The following GPC5 variants were observed in gnomAD, a reference collection of about 807,000 sequenced individuals.
GPC5 encodes the protein glypican 5.
GPC5 carries 47 observed loss-of-function variants against 53.9 expected under a neutral mutation model. The observed-to-expected ratio is 0.87, with a 90% confidence interval of 0.69 to 1.11. The LOEUF (loss-of-function observed/expected upper bound fraction) is 1.11. GPC5 is among the 50% of genes most tolerant of loss of function. The pLI is 0.00. For synonymous variants in GPC5, 286 were observed against 263.3 expected (o/e 1.09, Z -0.84); for missense variants, 748 against 713.1 (o/e 1.05, Z -0.56).
intron 7 of GPC5, among the ~76,000 whole-genome samples, chr13:92,334,936 G>A (rs1331075921): frequency 6.6e-6 from 1 of 152,120 alleles, no homozygotes; most frequent in Non-Finnish European, 1.5e-5. Flanking sequence ...GGTTTCACAG[G>A]CTGGCGCTGA....
At chr13:92,339,108 A>C (rs1183128359) in intron 7 of GPC5, among the ~76,000 whole-genome samples, 2 of 151,874 alleles carry the variant, frequency 1.3e-5, no homozygotes, top group African/African-American at 4.8e-5. Flanking sequence ...AAATATTTCT[A>C]GTCAAAGAAC....
chr13:92,217,232 C>T (rs1202072625), intron 7 of GPC5, among the ~76,000 whole-genome samples: 4 of 152,208 alleles, frequency 2.6e-5, no homozygotes, highest in African/African-American at 4.8e-5. Flanking sequence ...ATACTTTTAA[C>T]TACCAATGGC....
intron 7 of GPC5, among the ~76,000 whole-genome samples, chr13:92,622,705 C>T (rs1884913922): frequency 1.3e-5 from 2 of 152,148 alleles, no homozygotes; most frequent in South Asian, 4.1e-4. Context: ...GCTGGGATTA[C>T]TGGCATGAGC....
intron 7 of GPC5, among the ~76,000 whole-genome samples, chr13:92,204,898 A>C (rs1339500587): frequency 2.0e-5 from 3 of 152,118 alleles, no homozygotes; most frequent in African/African-American, 7.2e-5. Context: ...TGTTTGTTTT[A>C]GACAGAGTCT....
chr13:92,079,451 G>A (rs1038002976), intron 6 of GPC5, among the ~76,000 whole-genome samples: 1 of 152,156 alleles, frequency 6.6e-6, no homozygotes, highest in Non-Finnish European at 1.5e-5. Context: ...ACAAATTGCT[G>A]GCATTTCTTT....
chr13:91,481,666 T>C (rs1218199116), intron 2 of GPC5, among the ~76,000 whole-genome samples: 3 of 152,160 alleles, frequency 2.0e-5, no homozygotes, highest in African/African-American at 7.2e-5. Flanking sequence ...TCTACTTAAT[T>C]ATCGAAAGCT....
At chr13:92,056,447 T>G (rs895920534) in intron 6 of GPC5, among the ~76,000 whole-genome samples, 1 of 152,196 alleles carries the variant, frequency 6.6e-6, no homozygotes, top group African/African-American at 2.4e-5. Flanking sequence ...TTTTGGAGAT[T>G]TGAATGTGAA....
intron 7 of GPC5, among the ~76,000 whole-genome samples, chr13:92,567,775 G>C (rs1467569908): frequency 6.6e-6 from 1 of 152,110 alleles, no homozygotes. Flanking sequence ...TTTTAGTCCA[G>C]TGAGACTTGT....
chr13:91,935,074 A>G (rs1566350276), intron 6 of GPC5, among the ~76,000 whole-genome samples: 1 of 151,984 alleles, frequency 6.6e-6, no homozygotes, highest in Non-Finnish European at 1.5e-5. Context: ...GGAGCTAAAT[A>G]GATATGGGAA....
chr13:92,815,647 G>C (rs1804560222), intron 7 of GPC5, among the ~76,000 whole-genome samples: 2 of 151,906 alleles, frequency 1.3e-5, no homozygotes, highest in South Asian at 2.1e-4. Flanking sequence ...GTTGAGAACA[G>C]ACTATACAAA....
chr13:92,171,732 A>G (rs534869579), intron 7 of GPC5, among the ~76,000 whole-genome samples: 1 of 152,320 alleles, frequency 6.6e-6, no homozygotes, highest in African/African-American at 2.4e-5. Flanking sequence ...CCTGAGTGAT[A>G]GAAGAATCCT....
intron 7 of GPC5, among the ~76,000 whole-genome samples, chr13:92,534,654 T>C (rs1881666531): frequency 6.6e-6 from 1 of 152,148 alleles, no homozygotes; most frequent in African/African-American, 2.4e-5. Flanking sequence ...ATTTCATATA[T>C]GGAAAAATAT....
At chr13:91,445,635 C>A (rs1209398226) in intron 1 of GPC5, among the ~76,000 whole-genome samples, 1 of 152,080 alleles carries the variant, frequency 6.6e-6, no homozygotes, top group African/African-American at 2.4e-5. Flanking sequence ...CCACCATGCC[C>A]AGCTAATTTT....
intron 6 of GPC5, among the ~76,000 whole-genome samples, chr13:92,081,444 CATA>C (rs1489957751): frequency 6.6e-6 from 1 of 152,086 alleles, no homozygotes; most frequent in Admixed American, 6.6e-5. Flanking sequence ...AAGGCTAAGA[CATA>C]ATAACTGTTG....
intron 1 of GPC5, among the ~76,000 whole-genome samples, chr13:91,408,524 G>A (rs965742741): frequency 5.9e-5 from 9 of 152,080 alleles, no homozygotes; most frequent in South Asian, 2.1e-4. Flanking sequence ...TATAATTTTC[G>A]TGTATGAATT....
intron 7 of GPC5, chr13:92,709,427 CTT>C (rs1317722382): frequency 2.6e-5 from 4 of 152,102 alleles, no homozygotes; most frequent in Non-Finnish European, 5.9e-5. Context: ...TATTACTCCA[CTT>C]TGCTTCAGTA....
rs1392294431 is a variant in GPC5 at position 91,819,539 on chromosome 13, A to G, written c.1280+63119A>G. On this transcript the variant is annotated intron_variant, in intron 5 of 7. Coordinates refer to ENST00000377067, the MANE Select transcript of GPC5 (RefSeq NM_004466.6). The stretch of plus-strand genomic sequence containing the variant: ...ATAGATTATTTTGTTTCTGGCATCT[A>G]CTGCTCAATATTTTGTTTGTAAAAT... Among the ~76,000 whole-genome samples the G allele has an allele frequency of 2.0e-5, 3 of 152,168 alleles. No individual in the cohort carries two copies. In the South Asian group the frequency reaches 6.2e-4, roughly 32 times the overall value.
At chr13:92,403,267 T>G (rs546157554) in intron 7 of GPC5, among the ~76,000 whole-genome samples, 1 of 152,250 alleles carries the variant, frequency 6.6e-6, no homozygotes, top group African/African-American at 2.4e-5. Context: ...ACATATGTAG[T>G]TTTTCAAACT....
chr13:92,296,990 GCAC>G (rs1256303603), intron 7 of GPC5, among the ~76,000 whole-genome samples: 1 of 152,184 alleles, frequency 6.6e-6, no homozygotes, highest in Non-Finnish European at 1.5e-5. Context: ...TCCCCGACGA[GCAC>G]CACCCCCTGC....
Sources: gnomAD v4.1 joint callset for allele counts (sites outside exome capture counted in the v4.1 genomes callset) on GRCh38, gnomAD v4.1.1 for gene constraint, MANE v1.5 for transcripts, NCBI Gene and HGNC (gene_info 2026-07-23, HGNC 2026-07-21) for gene names.